The following MICU3 variants were observed in gnomAD, a reference collection of about 807,000 sequenced individuals.
The protein encoded by MICU3 is calcium uptake protein 3, mitochondrial.
Under a neutral mutation model 66.5 loss-of-function variants are expected in MICU3, and 62 were observed. That is an observed-to-expected ratio of 0.93 (90% CI 0.76 to 1.15). The LOEUF (loss-of-function observed/expected upper bound fraction) is 1.15. Ranked by LOEUF, MICU3 falls within the 50% of genes most tolerant of loss-of-function variation. The pLI, the probability that MICU3 is intolerant of heterozygous loss-of-function variation, is 0.00. For missense variants in MICU3, 779 were observed against 664.4 expected, an observed-to-expected ratio of 1.17 and a Z score of -1.90; for synonymous variants, 308 against 240.7, an observed-to-expected ratio of 1.28 and a Z score of -2.59.
the MICU3 span, among the ~76,000 whole-genome samples, chr8:17,128,453 A>G: frequency 0.39 from 59,105 of 152,102 alleles, 11,621 homozygotes; most frequent in South Asian, 0.47. Flanking sequence ...AATACAGGCT[A>G]TATGTGAAAT....
chr8:17,039,691 A>G (rs1813691859), intron 1 of MICU3, among the ~76,000 whole-genome samples: 1 of 152,084 alleles, frequency 6.6e-6, no homozygotes, highest in South Asian at 2.1e-4. Flanking sequence ...TACAGATTGA[A>G]TATGTAATTT....
At chr8:17,085,508 C>T (rs1170652285) in intron 6 of MICU3, among the ~76,000 whole-genome samples, 190 bp downstream of exon 6, 1 of 152,010 alleles carries the variant, frequency 6.6e-6, no homozygotes, top group Non-Finnish European at 1.5e-5. Flanking sequence ...AAATTACATT[C>T]AGTGTATGAT....
At chr8:17,070,448 C>G (rs1470435230) in intron 3 of MICU3, among the ~76,000 whole-genome samples, 1 of 151,944 alleles carries the variant, frequency 6.6e-6, no homozygotes, top group Non-Finnish European at 1.5e-5. Flanking sequence ...AGGATACATT[C>G]ATACGTGGGA....
chr8:17,138,154 A>G, the MICU3 span, among the ~76,000 whole-genome samples: 6 of 152,260 alleles, frequency 3.9e-5, no homozygotes, highest in South Asian at 1.2e-3. Flanking sequence ...AGAGAATTTG[A>G]TGTTTAAAGA....
intron 3 of MICU3, among the ~76,000 whole-genome samples, chr8:17,070,956 T>C (rs974659395): frequency 6.6e-6 from 1 of 152,166 alleles, no homozygotes; most frequent in Non-Finnish European, 1.5e-5. Flanking sequence ...AAAGGGATGA[T>C]TCACATCCTG....
chr8:17,063,103 GT>G (rs1818121666), intron 1 of MICU3, among the ~76,000 whole-genome samples: 1 of 152,088 alleles, frequency 6.6e-6, no homozygotes, highest in Non-Finnish European at 1.5e-5. Context: ...TGGCCCCGAA[GT>G]TTTAGTAAGT....
At position 17,105,395 on chromosome 8, in the gene MICU3, A is replaced by T. The variant is rs1329299544; in HGVS notation, c.1086-18A>T. 2.1e-6 allele frequency: 3 copies of T among 1,430,250 alleles called. No individual in the cohort carries two copies. Among genetic ancestry groups the T allele is most frequent in the South Asian group, 1.3e-5 (1 of 76,666 alleles). The allele number at this position is 1,430,250 out of a possible 1,614,324, so 88.6% of individuals were successfully genotyped here. ...TCTTTCTTTATCTTTTTCCTTCTTT[A>T]TTACATTTTTGTCATAGATTCATGG... On this transcript the variant is annotated intron_variant, in intron 10 of 14. Coordinates refer to ENST00000318063, the MANE Select transcript of MICU3 (RefSeq NM_181723.3).
At chr8:17,056,781 C>T (rs1585260967) in intron 1 of MICU3, among the ~76,000 whole-genome samples, 1 of 152,176 alleles carries the variant, frequency 6.6e-6, no homozygotes, top group Admixed American at 6.5e-5. Flanking sequence ...GGTGTGGCAG[C>T]AGAAGTTTTC....
the MICU3 span, chr8:17,131,459 G>A: frequency 6.6e-6 from 1 of 152,458 alleles, no homozygotes; most frequent in Non-Finnish European, 1.5e-5. Context: ...GAGTGTCAGA[G>A]GGAGCTGGTG....
intron 2 of MICU3, among the ~76,000 whole-genome samples, chr8:17,064,833 A>G (rs1425875404): frequency 1.3e-5 from 2 of 152,132 alleles, no homozygotes; most frequent in Non-Finnish European, 2.9e-5. Context: ...CATGGACAGT[A>G]AAAAAAGGAG....
intron 1 of MICU3, among the ~76,000 whole-genome samples, chr8:17,043,476 T>A (rs148546197): frequency 2.6e-5 from 4 of 152,348 alleles, no homozygotes; most frequent in African/African-American, 9.6e-5. Context: ...ATTACTATCA[T>A]CAAGCTTAAA....
chr8:17,059,190 T>C (rs1585273110), intron 1 of MICU3, among the ~76,000 whole-genome samples: 1 of 152,324 alleles, frequency 6.6e-6, no homozygotes, highest in Middle Eastern at 3.4e-3. Context: ...TTCCTATTTA[T>C]GCTGCTACTC....
At position 17,074,093 on chromosome 8, in the gene MICU3, T is replaced by C. The variant is rs542348213; in HGVS notation, c.568-3690T>C. Among the ~76,000 whole-genome samples the C allele has an allele frequency of 7.9e-5, 12 of 151,246 alleles. 1 individual carries two copies. Among genetic ancestry groups the C allele is most frequent in the African/African-American group, 2.9e-4 (12 of 41,332 alleles). On this transcript the variant is annotated intron_variant, in intron 3 of 14. Coordinates refer to ENST00000318063, the MANE Select transcript of MICU3 (RefSeq NM_181723.3). Reference sequence around the variant, plus strand: ...TTTTTTATTTTTAGTAGAGAGGGGGTTTCACCGTGGTCTCCATCTCCTGAC... The same window carrying C: ...TTTTTTATTTTTAGTAGAGAGGGGGCTTCACCGTGGTCTCCATCTCCTGAC...
In MICU3 at chr8:17,028,257, C is replaced by A. The variant is rs114443575; in HGVS notation, c.381+597C>A. ...CATAAGTATTTCTCTCTTTTTCCTT[C>A]CCCCACTAAAGCCAGAATCCCGTTA... is the stretch of plus-strand genomic sequence containing the variant. On this transcript the variant is annotated intron_variant, in intron 1 of 14. Transcript: ENST00000318063. 1.5e-3 allele frequency among the ~76,000 whole-genome samples: 222 copies of A among 152,276 alleles called. 2 individuals are homozygous for A. Among genetic ancestry groups the A allele is most frequent in the African/African-American group, 5.3e-3 (219 of 41,556 alleles).
chr8:17,114,057 AT>A, intron 11 of MICU3, 35 bp from the exon 12 acceptor site: 2 of 1,354,114 alleles, frequency 1.5e-6, no homozygotes, highest in Non-Finnish European at 1.0e-6. Context: ...AAATTTGGCA[AT>A]ACTAAATGTA....
At chr8:17,064,300 G>T (rs537728631) in intron 2 of MICU3, 63 bp downstream of exon 2, 1 of 1,318,642 alleles carries the variant, frequency 7.6e-7, no homozygotes, top group African/African-American at 1.5e-5. Context: ...GCTTGTGAAT[G>T]GATGGAGCAG....
At chr8:17,081,000 T>C (rs995545265) in intron 4 of MICU3, among the ~76,000 whole-genome samples, 1 of 152,140 alleles carries the variant, frequency 6.6e-6, no homozygotes, top group Admixed American at 6.6e-5. Context: ...GGGTTTTGTA[T>C]TCCAAAAGCA....
At chr8:17,084,315 A>G (rs1315993267) in intron 5 of MICU3, among the ~76,000 whole-genome samples, 5 of 152,162 alleles carry the variant, frequency 3.3e-5, no homozygotes, top group Non-Finnish European at 4.4e-5. Context: ...TCTGAAATAC[A>G]TGCAACAAGT....
chr8:17,110,623 G>C (rs1802108397), intron 11 of MICU3, among the ~76,000 whole-genome samples: 1 of 152,042 alleles, frequency 6.6e-6, no homozygotes, highest in Non-Finnish European at 1.5e-5. Flanking sequence ...GAGTGCAGTG[G>C]TGCAACCATA....
Sources: allele counts gnomAD v4.1 joint callset (sites outside exome capture counted in the v4.1 genomes callset), GRCh38; gene constraint gnomAD v4.1.1; transcripts MANE v1.5; gene names NCBI Gene and HGNC (gene_info 2026-07-23, HGNC 2026-07-21).